ROBO1: variants seen among roughly 807,000 people sequenced by gnomAD.
ROBO1 encodes the protein roundabout guidance receptor 1, also known as roundabout homolog 1.
In ROBO1, 149 loss-of-function variants were observed where a neutral mutation model predicts 195.9. The ratio of observed to expected loss-of-function variants is 0.76; its 90% confidence interval spans 0.67 to 0.87. The LOEUF is 0.87. ROBO1 is among the 40% of genes least tolerant of loss of function. ROBO1 has a pLI of 0.00. For missense variants in ROBO1, 1,933 were observed against 2,068.3 expected, an observed-to-expected ratio of 0.93 and a Z score of 1.27; for synonymous variants, 816 against 733.2, an observed-to-expected ratio of 1.11 and a Z score of -1.82.
At chr3:79,502,506 A>G (rs1940142655) in intron 2 of ROBO1, among the ~76,000 whole-genome samples, 1 of 150,116 alleles carries the variant, frequency 6.7e-6, no homozygotes, top group Admixed American at 6.6e-5. Flanking sequence ...CCCCTTCCCC[A>G]CCGCCATGGG....
At chr3:79,023,995 C>A (rs902079810) in intron 3 of ROBO1, among the ~76,000 whole-genome samples, 1 of 151,924 alleles carries the variant, frequency 6.6e-6, no homozygotes, top group African/African-American at 2.4e-5. Context: ...CAGGCGTGAG[C>A]CACCGCGCCT....
At chr3:79,698,058 A>C (rs1311446456) in intron 1 of ROBO1, among the ~76,000 whole-genome samples, 2 of 151,506 alleles carry the variant, frequency 1.3e-5, no homozygotes, top group African/African-American at 4.8e-5. Flanking sequence ...AAGCATTAAA[A>C]ATTAGGAGCC....
chr3:79,056,188 T>A (rs774776702), intron 3 of ROBO1, among the ~76,000 whole-genome samples: 1 of 152,140 alleles, frequency 6.6e-6, no homozygotes, highest in Non-Finnish European at 1.5e-5. Flanking sequence ...TACTGTACCA[T>A]CTATCAATAA....
chr3:79,046,620 G>A (rs1376384623), intron 3 of ROBO1, among the ~76,000 whole-genome samples: 4 of 152,050 alleles, frequency 2.6e-5, no homozygotes, highest in East Asian at 1.9e-4. Context: ...CATCCAGCAC[G>A]AGAGAAAGAT....
intron 2 of ROBO1, among the ~76,000 whole-genome samples, chr3:79,533,819 G>A (rs1349377417): frequency 2.0e-5 from 3 of 152,036 alleles, no homozygotes; most frequent in Non-Finnish European, 4.4e-5. Flanking sequence ...TGTAATAGAG[G>A]CTTTGCAATA....
chr3:79,123,053 T>G (rs984572774), intron 3 of ROBO1, among the ~76,000 whole-genome samples: 6 of 152,050 alleles, frequency 3.9e-5, no homozygotes, highest in Admixed American at 3.3e-4. Flanking sequence ...GTTTTGTAAC[T>G]AACTCATATC....
chr3:78,694,944 T>C (rs1304578366), intron 8 of ROBO1, among the ~76,000 whole-genome samples: 2 of 152,104 alleles, frequency 1.3e-5, no homozygotes, highest in Non-Finnish European at 1.5e-5. Flanking sequence ...TTTTCAGTAA[T>C]TTAAAATTCC....
At chr3:79,461,387 G>A (rs563872430) in intron 2 of ROBO1, among the ~76,000 whole-genome samples, 1 of 152,008 alleles carries the variant, frequency 6.6e-6, no homozygotes, top group Non-Finnish European at 1.5e-5. Context: ...CACATAAAAT[G>A]ACTGACAACT....
At chr3:78,718,697 T>C (rs541493657) in intron 5 of ROBO1, among the ~76,000 whole-genome samples, 8 of 152,000 alleles carry the variant, frequency 5.3e-5, no homozygotes, top group African/African-American at 1.9e-4. Flanking sequence ...AATGTCCTGA[T>C]CTTAGAAAGG....
intron 1 of ROBO1, among the ~76,000 whole-genome samples, chr3:79,682,498 T>A (rs982195701): frequency 2.0e-5 from 3 of 152,036 alleles, no homozygotes; most frequent in African/African-American, 7.2e-5. Flanking sequence ...ACTCCTAAAA[T>A]CATATATCAG....
intron 16 of ROBO1, 87 bp from the exon 17 acceptor site, chr3:78,659,894 G>A (rs9829907): frequency 0.2 from 167,337 of 853,286 alleles, 16,221 homozygotes; most frequent in East Asian, 0.24. Context: ...AATAATAGAT[G>A]TATTAATACT....
intron 4 of ROBO1, among the ~76,000 whole-genome samples, chr3:78,869,574 T>A (rs2035416137): frequency 6.6e-6 from 1 of 152,072 alleles, no homozygotes; most frequent in Non-Finnish European, 1.5e-5. Context: ...TCCTTCTCCT[T>A]AGCCTCCTGA....
chr3:78,944,763 T>C (rs2040327393), intron 3 of ROBO1, among the ~76,000 whole-genome samples: 1 of 152,056 alleles, frequency 6.6e-6, no homozygotes, highest in African/African-American at 2.4e-5. Flanking sequence ...CCTTTCCTAG[T>C]CAAAGAAAGG....
intron 1 of ROBO1, among the ~76,000 whole-genome samples, chr3:79,647,174 T>A (rs1945843718): frequency 6.6e-6 from 1 of 152,092 alleles, no homozygotes; most frequent in Non-Finnish European, 1.5e-5. Context: ...TATTATATTA[T>A]CACATGTGCC....
chr3:79,406,823 GT>G (rs556806712), intron 2 of ROBO1, among the ~76,000 whole-genome samples: 2 of 151,672 alleles, frequency 1.3e-5, no homozygotes, highest in African/African-American at 2.4e-5. Context: ...ATAATTCTTT[GT>G]TTTTTTTCCT....
chr3:78,786,996 CT>C (rs2083855947), intron 4 of ROBO1, among the ~76,000 whole-genome samples: 7 of 152,178 alleles, frequency 4.6e-5, no homozygotes, highest in African/African-American at 1.7e-4. Context: ...GCTGGACCTC[CT>C]AAACTAGTGG....
chr3:78,692,418 C>T (rs9309814), intron 8 of ROBO1, among the ~76,000 whole-genome samples: 38,730 of 151,680 alleles, frequency 0.26, 5,116 homozygotes, highest in African/African-American at 0.32. Flanking sequence ...TACAGGTGTG[C>T]GCCATCACAT....
At chr3:79,662,242 T>A (rs1946350516) in intron 1 of ROBO1, among the ~76,000 whole-genome samples, 1 of 152,068 alleles carries the variant, frequency 6.6e-6, no homozygotes, top group Non-Finnish European at 1.5e-5. Context: ...AGCAGGAAAA[T>A]GAACTGGCGA....
chr3:79,399,336 C>T lies in ROBO1; in HGVS notation c.88+190488G>A, dbSNP rs369315187. On this transcript the variant is annotated intron_variant, in intron 2 of 30. Transcript: ENST00000464233. ...CCTTATATTGGTCTATAAGGCCCTA[C>T]GTGACCGGCTGCCCCCCGACCTCCC... is the stretch of plus-strand genomic sequence containing the variant. 6.2e-4 allele frequency among the ~76,000 whole-genome samples: 94 copies of T among 152,130 alleles called. 1 individual carries two copies. The South Asian group carries it at 0.017, about 28-fold the overall frequency.
Sources: allele counts gnomAD v4.1 joint callset (sites outside exome capture counted in the v4.1 genomes callset), GRCh38; gene constraint gnomAD v4.1.1; transcripts MANE v1.5; gene names NCBI Gene and HGNC (gene_info 2026-07-23, HGNC 2026-07-21).